VIT: variants seen among roughly 807,000 people sequenced by gnomAD.
VIT encodes vitrin.
In VIT, 99 loss-of-function variants were observed where a neutral mutation model predicts 78.0. The ratio of observed to expected loss-of-function variants is 1.27; its 90% confidence interval spans 1.08 to 1.50. The LOEUF is 1.50. Ranked by LOEUF, VIT falls within the 40% of genes most tolerant of loss-of-function variation. The pLI, the probability that VIT is intolerant of heterozygous loss-of-function variation, is 0.00. For missense variants in VIT, 1,126 were observed against 875.3 expected (o/e 1.29, Z -3.61); for synonymous variants, 374 against 334.3 (o/e 1.12, Z -1.29).
At chr2:36,703,978 G>T (rs1665247956) in intron 1 of VIT, among the ~76,000 whole-genome samples, 1 of 145,694 alleles carries the variant, frequency 6.9e-6, no homozygotes, top group Non-Finnish European at 1.5e-5. Flanking sequence ...AGGCTGGAGT[G>T]CAGTGGCACG....
In VIT at chr2:36,801,347, C is replaced by G. The variant is rs377073906; in HGVS notation, c.1105C>G (p.Arg369Gly). The stretch of plus-strand genomic sequence containing the variant: ...TAACCTCAAGACACACACGAATTCT[C>G]GAGATCTGAAGACAGCCATAGAGAA... The part of the protein sequence containing the change: ...HFNLKTHTNS[R>G]DLKTAIEKIT... The change falls in exon 13 of 16, where the codon CGA (arginine) becomes GGA (glycine). Residue 369 changes from arginine (R) to glycine (G), a missense_variant. Arg to Gly is a moderately radical substitution (Grantham distance 125). Transcript: ENST00000379242. The G allele has an allele frequency of 3.8e-5, 61 of 1,614,098 alleles. No homozygotes were observed. The highest frequency in any genetic ancestry group is 8.0e-5 in the African/African-American group (6 of 75,028).
chr2:36,705,040 G>C (rs1665326160), intron 1 of VIT, among the ~76,000 whole-genome samples: 1 of 152,132 alleles, frequency 6.6e-6, no homozygotes, highest in Non-Finnish European at 1.5e-5. Flanking sequence ...AAACCTCAAA[G>C]CCCAAAGGGA....
At chr2:36,736,364 G>T (rs1667507811) in intron 3 of VIT, among the ~76,000 whole-genome samples, 1 of 152,116 alleles carries the variant, frequency 6.6e-6, no homozygotes, top group African/African-American at 2.4e-5. Flanking sequence ...TAACTTATGA[G>T]ACTTTCAGTC....
intron 2 of VIT, 143 bp from the exon 3 acceptor site, chr2:36,729,283 T>C: frequency 1.7e-6 from 1 of 598,652 alleles, no homozygotes; most frequent in Non-Finnish European, 2.8e-6. Flanking sequence ...AGCCCCATCA[T>C]TAAGTGATGC....
At chr2:36,770,933 C>T (rs1021947447) in intron 7 of VIT, among the ~76,000 whole-genome samples, 5 of 152,196 alleles carry the variant, frequency 3.3e-5, no homozygotes, top group African/African-American at 1.2e-4. Context: ...CTCCACCTCT[C>T]TACCCTGGGC....
intron 2 of VIT, among the ~76,000 whole-genome samples, chr2:36,718,346 G>A (rs1666293243): frequency 6.6e-6 from 1 of 152,152 alleles, no homozygotes; most frequent in African/African-American, 2.4e-5. Flanking sequence ...TCCAGGCATG[G>A]TGGAAGGAGT....
At position 36,805,520 on chromosome 2, in the gene VIT, G is replaced by C. The variant is rs780315591; in HGVS notation, c.1245G>C (p.Val415=). ...GCGGGGCTCCCAATGTGGTGGTGGTGATGGTGGATGGCTGGCCCACGGACA... is the reference window on the plus strand; with the variant it reads ...GCGGGGCTCCCAATGTGGTGGTGGTCATGGTGGATGGCTGGCCCACGGACA... ...NRSGAPNVVV[V]MVDGWPTDKV... is the part of the protein sequence containing the mutation. The change falls in exon 14 of 16, where the codon GTG becomes GTC. Residue 415 remains valine, a synonymous_variant. Transcript: ENST00000379242. 2 of 1,614,156 alleles carry C rather than the reference G, an allele frequency of 1.2e-6. No homozygotes were observed. Among genetic ancestry groups the C allele is most frequent in the Non-Finnish European group, 1.7e-6 (2 of 1,180,030 alleles).
chr2:36,806,610 G>T (rs946187562), intron 14 of VIT, among the ~76,000 whole-genome samples: 1 of 152,100 alleles, frequency 6.6e-6, no homozygotes, highest in African/African-American at 2.4e-5. Context: ...GCAGTGGCGC[G>T]ATCTCGGCTC....
chr2:36,792,054 T>C (rs1383515469), intron 12 of VIT, among the ~76,000 whole-genome samples: 3 of 152,180 alleles, frequency 2.0e-5, no homozygotes, highest in Non-Finnish European at 4.4e-5. Context: ...GTCTGGGCCT[T>C]GACTTCACGT....
intron 4 of VIT, among the ~76,000 whole-genome samples, chr2:36,750,049 C>T (rs1668363225): frequency 6.6e-6 from 1 of 151,914 alleles, no homozygotes; most frequent in South Asian, 2.1e-4. Context: ...AATGGGATTA[C>T]AAAAGCTCTA....
At chr2:36,733,537 T>G (rs1394008935) in intron 3 of VIT, among the ~76,000 whole-genome samples, 2 of 151,338 alleles carry the variant, frequency 1.3e-5, no homozygotes, top group Non-Finnish European at 2.9e-5. Flanking sequence ...TAACAACAAC[T>G]CCTTTGTAGC....
intron 1 of VIT, among the ~76,000 whole-genome samples, chr2:36,704,835 C>T (rs993051301): frequency 2.0e-5 from 3 of 150,748 alleles, no homozygotes; most frequent in African/African-American, 7.3e-5. Flanking sequence ...GTGGATCTTG[C>T]AGACGCACCC....
chr2:36,713,677 G>T (rs188740757), intron 1 of VIT, among the ~76,000 whole-genome samples: 3 of 152,174 alleles, frequency 2.0e-5, no homozygotes, highest in African/African-American at 7.2e-5. Context: ...GCTGAGAAAT[G>T]GTCAGTTTCT....
chr2:36,698,634 G>T (rs993850084), intron 1 of VIT, among the ~76,000 whole-genome samples: 1 of 152,292 alleles, frequency 6.6e-6, no homozygotes, highest in Admixed American at 6.5e-5. Context: ...GTTTTGAAAT[G>T]TCAAAACTTC....
At chr2:36,805,720 T>A in intron 14 of VIT, 56 bp downstream of exon 14, 1 of 1,558,240 alleles carries the variant, frequency 6.4e-7, no homozygotes, top group Non-Finnish European at 8.7e-7. Flanking sequence ...CTCTGAAAAA[T>A]TGTAACGCCG....
rs1438081640 is a variant in VIT, at chr2:36,808,456, C to A, written c.1390-16C>A. 6.3e-7 allele frequency: 1 copy of A among 1,587,144 alleles called. No homozygotes were observed. Among genetic ancestry groups the A allele is most frequent in the Non-Finnish European group, 8.6e-7 (1 of 1,161,688 alleles). On this transcript the variant is annotated splice_polypyrimidine_tract_variant and intron_variant, in intron 14 of 15. Coordinates refer to ENST00000379242, the MANE Select transcript of VIT (RefSeq NM_053276.4). Reference sequence around the variant, plus strand: ...TGACCCTGACGTGGCGTGGGTCCCTCCCCTCTGTCTTCTAGGCCGTGTGCA... The same window carrying A: ...TGACCCTGACGTGGCGTGGGTCCCTACCCTCTGTCTTCTAGGCCGTGTGCA...
intron 1 of VIT, among the ~76,000 whole-genome samples, chr2:36,698,853 A>G (rs897628639): frequency 7.2e-5 from 11 of 152,124 alleles, no homozygotes; most frequent in African/African-American, 2.7e-4. Flanking sequence ...CTGAGGCAGG[A>G]GAATCACTTG....
chr2:36,783,686 G>A (rs1558569162), intron 11 of VIT, among the ~76,000 whole-genome samples: 1 of 152,186 alleles, frequency 6.6e-6, no homozygotes, highest in African/African-American at 2.4e-5. Flanking sequence ...GAGGAGACGG[G>A]CAGGTTAGCA....
chr2:36,726,257 C>T (rs1666837534), intron 2 of VIT, among the ~76,000 whole-genome samples: 1 of 151,974 alleles, frequency 6.6e-6, no homozygotes, highest in East Asian at 1.9e-4. Flanking sequence ...TAGTGCAATA[C>T]TTTGAAGGCA....
Sources: allele counts gnomAD v4.1 joint callset (sites outside exome capture counted in the v4.1 genomes callset), GRCh38; gene constraint gnomAD v4.1.1; transcripts MANE v1.5; gene names NCBI Gene and HGNC (gene_info 2026-07-23, HGNC 2026-07-21).